The following CHST11 variants were observed in gnomAD, a reference collection of about 807,000 sequenced individuals.
CHST11 encodes the protein C4S-1.
A neutral mutation model predicts 30.4 loss-of-function variants in CHST11; 9 were observed. The ratio of observed to expected loss-of-function variants is 0.30; its 90% CI spans 0.18 to 0.52. The LOEUF (loss-of-function observed/expected upper bound fraction) is 0.52, where lower values mean the gene tolerates loss of function less well. Ranked by LOEUF, CHST11 falls within the 20% of genes least tolerant of loss-of-function variation. CHST11 has a pLI of 0.97. For missense variants in CHST11, 348 were observed against 460.6 expected (o/e 0.76, Z 2.24); for synonymous variants, 152 against 187.8 (o/e 0.81, Z 1.56).
At chr12:104,578,367 G>A (rs1317470705) in intron 1 of CHST11, among the ~76,000 whole-genome samples, 1 of 152,138 alleles carries the variant, frequency 6.6e-6, no homozygotes, top group African/African-American at 2.4e-5. Context: ...ATATTCTTCC[G>A]AAAATCATTT....
intron 1 of CHST11, among the ~76,000 whole-genome samples, chr12:104,560,061 A>G (rs2038498483): frequency 6.6e-6 from 1 of 152,188 alleles, no homozygotes; most frequent in Admixed American, 6.5e-5. Context: ...TGTTTGTGGC[A>G]GAGGGAATAC....
At position 104,646,835 on chromosome 12, in the gene CHST11, T is replaced by G. The variant is rs1056414553; in HGVS notation, c.204+44844T>G. Among the ~76,000 whole-genome samples, 3 of 152,238 alleles carry G rather than the reference T, an allele frequency of 2.0e-5. No individual in the cohort carries two copies. In the South Asian group the frequency reaches 6.2e-4, roughly 31 times the overall value. ...AAAGTGTCTGATAAATACTACTTAT[T>G]CATTCATCCATTCATTTACTCAATC... On this transcript the variant is annotated intron_variant, in intron 2 of 2. Transcript: ENST00000303694.
intron 2 of CHST11, among the ~76,000 whole-genome samples, chr12:104,677,499 G>A (rs899721162): frequency 6.6e-6 from 1 of 152,184 alleles, no homozygotes; most frequent in African/African-American, 2.4e-5. Flanking sequence ...ATTAAAAGAG[G>A]CCCAAGATAT....
intron 2 of CHST11, among the ~76,000 whole-genome samples, chr12:104,618,390 ATTG>A (rs939752350): frequency 5.3e-5 from 8 of 151,294 alleles, no homozygotes; most frequent in Admixed American, 2.6e-4. Flanking sequence ...CACCCAGTTA[ATTG>A]TTGTTGTTGT....
At chr12:104,702,869 TCAGATCTAACTCGAGCCTGGCGCCCTTTG>T (rs1325830560) in intron 2 of CHST11, among the ~76,000 whole-genome samples, 10 of 152,156 alleles carry the variant, frequency 6.6e-5, no homozygotes, top group Admixed American at 2.0e-4. Context: ...TGGACGCCGT[TCAGATCTAACTCGAGCCTGGCGCCCTTTG>T]CAGACTTGGA....
At chr12:104,656,744 A>G (rs944310884) in intron 2 of CHST11, among the ~76,000 whole-genome samples, 1 of 152,222 alleles carries the variant, frequency 6.6e-6, no homozygotes, top group African/African-American at 2.4e-5. Context: ...TCGTGACCAC[A>G]GTGGGGGGTT....
intron 2 of CHST11, among the ~76,000 whole-genome samples, chr12:104,659,533 C>CTGTA (rs2039578236): frequency 6.6e-6 from 1 of 151,976 alleles, no homozygotes; most frequent in African/African-American, 2.4e-5. Flanking sequence ...TTGAGACATG[C>CTGTA]TGTAAGGGTT....
chr12:104,477,046 G>A (rs1213441956), intron 1 of CHST11, among the ~76,000 whole-genome samples: 1 of 152,140 alleles, frequency 6.6e-6, no homozygotes, highest in Non-Finnish European at 1.5e-5. Context: ...TTATTAATGG[G>A]CTTCCAGGGA....
intron 1 of CHST11, among the ~76,000 whole-genome samples, chr12:104,537,711 TTGGAGACA>T (rs1215022350): frequency 4.6e-4 from 50 of 109,160 alleles, no homozygotes; most frequent in African/African-American, 1.6e-3. Context: ...TTTTTTTTTT[TTGGAGACA>T]GGGTCTCACT....
chr12:104,625,996 T>C (rs911502624), intron 2 of CHST11, among the ~76,000 whole-genome samples: 1 of 152,210 alleles, frequency 6.6e-6, no homozygotes, highest in Non-Finnish European at 1.5e-5. Context: ...GTCCTTTTCA[T>C]TGGTGGCTTG....
chr12:104,530,869 G>A (rs938550576), intron 1 of CHST11, among the ~76,000 whole-genome samples: 3 of 152,202 alleles, frequency 2.0e-5, no homozygotes, highest in African/African-American at 4.8e-5. Flanking sequence ...AAATGGATTC[G>A]TGCTGTAGAC....
In CHST11 at chr12:104,589,491, A is replaced by G. The variant is rs118016795; in HGVS notation, c.119-12415A>G. ...AGAGAGACGGGAATGGGGAGTTGTTATTTAATAAGTACAAAGTGATGTATA... is the reference window on the plus strand; with the variant it reads ...AGAGAGACGGGAATGGGGAGTTGTTGTTTAATAAGTACAAAGTGATGTATA... On this transcript the variant is annotated intron_variant, in intron 1 of 2. Coordinates refer to ENST00000303694, the MANE Select transcript of CHST11 (RefSeq NM_018413.6). Among the ~76,000 whole-genome samples, 28 of 152,168 alleles carry G rather than the reference A, an allele frequency of 1.8e-4. No homozygotes were observed. The East Asian group carries it at 5.0e-3, about 27-fold the overall frequency.
At chr12:104,580,050 C>T (rs772715122) in intron 1 of CHST11, among the ~76,000 whole-genome samples, 2 of 152,184 alleles carry the variant, frequency 1.3e-5, no homozygotes, top group Admixed American at 6.5e-5. Flanking sequence ...TTCTAATGGA[C>T]ATTTGAAGAA....
chr12:104,738,068 G>C (rs181817221), intron 2 of CHST11, among the ~76,000 whole-genome samples: 12 of 152,128 alleles, frequency 7.9e-5, no homozygotes, highest in African/African-American at 2.2e-4. Flanking sequence ...GTATAAAAAA[G>C]GATCCCAACG....
At chr12:104,704,354 C>T (rs1006927457) in intron 2 of CHST11, among the ~76,000 whole-genome samples, 3 of 152,102 alleles carry the variant, frequency 2.0e-5, no homozygotes, top group Non-Finnish European at 4.4e-5. Flanking sequence ...TTAATTGGGG[C>T]GGGGGAGGCT....
chr12:104,585,640 A>G (rs1235988879), intron 1 of CHST11, among the ~76,000 whole-genome samples: 1 of 152,234 alleles, frequency 6.6e-6, no homozygotes, highest in Non-Finnish European at 1.5e-5. Context: ...TGTCAAGGAC[A>G]CACAAGATGG....
At chr12:104,718,298 G>T (rs923449628) in intron 2 of CHST11, among the ~76,000 whole-genome samples, 2 of 152,204 alleles carry the variant, frequency 1.3e-5, no homozygotes. Context: ...TGAACCCAGG[G>T]AGTTGGACTC....
intron 2 of CHST11, among the ~76,000 whole-genome samples, chr12:104,652,337 G>A (rs1475450785): frequency 6.6e-6 from 1 of 152,216 alleles, no homozygotes; most frequent in Non-Finnish European, 1.5e-5. Context: ...AAGGAAAGCA[G>A]CTCCCCGATG....
intron 1 of CHST11, among the ~76,000 whole-genome samples, chr12:104,592,380 T>C (rs982121916): frequency 6.6e-6 from 1 of 152,318 alleles, no homozygotes; most frequent in African/African-American, 2.4e-5. Flanking sequence ...AGATTTGGTG[T>C]CTGGTGAGGC....
Sources: gnomAD v4.1 joint callset for allele counts (sites outside exome capture counted in the v4.1 genomes callset) on GRCh38, gnomAD v4.1.1 for gene constraint, MANE v1.5 for transcripts, NCBI Gene and HGNC (gene_info 2026-07-23, HGNC 2026-07-21) for gene names.